SMAD3: variants seen among roughly 807,000 people sequenced by gnomAD.
SMAD3 encodes the protein SMAD family member 3.
Under a neutral mutation model 51.8 loss-of-function variants are expected in SMAD3, and 12 were observed. That is an observed-to-expected ratio of 0.23 (90% confidence interval 0.15 to 0.38). SMAD3 has a LOEUF of 0.38. Among genes scored for constraint, SMAD3 ranks in the 10% least tolerant of loss-of-function variants. SMAD3 has a pLI of 1.00. For synonymous variants in SMAD3, 238 were observed against 227.7 expected (o/e 1.05, Z -0.41); for missense variants, 294 against 565.6 (o/e 0.52, Z 4.87).
chr15:67,185,014 C>T lies in SMAD3; in HGVS notation c.1009+150C>T, dbSNP rs570193557. ...TGATTGGATTAGGTTTTCTCTATGC[C>T]CACAGATCTAACTGTGCTTTCCCTG... On this transcript the variant is annotated intron_variant, in intron 7 of 8. Coordinates refer to ENST00000327367, the MANE Select transcript of SMAD3 (RefSeq NM_005902.4). 124 of 1,039,244 alleles carry T rather than the reference C, an allele frequency of 1.2e-4. No homozygotes were observed. The African/African-American group carries it at 1.7e-3, about 14-fold the overall frequency. The allele number at this position is 1,039,244 out of a possible 1,614,324, so 64.4% of individuals were successfully genotyped here.
At chr15:67,084,917 G>T (rs918733084) in intron 1 of SMAD3, among the ~76,000 whole-genome samples, 1 of 152,198 alleles carries the variant, frequency 6.6e-6, no homozygotes, top group African/African-American at 2.4e-5. Flanking sequence ...AGAATCTACT[G>T]CTGGCTTCAG....
intron 1 of SMAD3, among the ~76,000 whole-genome samples, chr15:67,101,636 G>A (rs561313657): frequency 4.3e-4 from 66 of 152,270 alleles, no homozygotes; most frequent in African/African-American, 1.6e-3. Context: ...AAGGTTTGAG[G>A]ATCTTGGAAG....
At chr15:67,146,269 A>G (rs1192007602) in intron 1 of SMAD3, 12 of 152,276 alleles carry the variant, frequency 7.9e-5, no homozygotes, top group Admixed American at 6.5e-4. Context: ...AAAGGAAGTT[A>G]AGACAGAGAT....
intron 1 of SMAD3, among the ~76,000 whole-genome samples, chr15:67,128,971 T>C (rs1412200080): frequency 6.6e-5 from 10 of 152,138 alleles, no homozygotes; most frequent in Non-Finnish European, 1.5e-4. Context: ...ATGGATGTCA[T>C]TTGCGTTTTA....
chr15:67,168,925 C>T (rs1962668255), intron 4 of SMAD3, among the ~76,000 whole-genome samples: 3 of 152,138 alleles, frequency 2.0e-5, no homozygotes, highest in African/African-American at 2.4e-5. Flanking sequence ...CAGAGGGTCA[C>T]GTTGTTCCCC....
intron 1 of SMAD3, among the ~76,000 whole-genome samples, chr15:67,160,980 T>A (rs543274650): frequency 6.6e-6 from 1 of 152,000 alleles, no homozygotes; most frequent in East Asian, 1.9e-4. Context: ...ATTTTTTTTT[T>A]ATTATTATTA....
intron 1 of SMAD3, among the ~76,000 whole-genome samples, chr15:67,128,610 C>T (rs888659340): frequency 7.9e-5 from 12 of 151,958 alleles, no homozygotes; most frequent in Non-Finnish European, 1.2e-4. Context: ...CTTGCTTTGT[C>T]GCCCAGGCTG....
At chr15:67,154,321 G>A (rs1004261481) in intron 1 of SMAD3, among the ~76,000 whole-genome samples, 6 of 152,198 alleles carry the variant, frequency 3.9e-5, no homozygotes, top group African/African-American at 1.4e-4. Flanking sequence ...TGAAAATTGA[G>A]TTGTTCTTGG....
chr15:67,077,088 T>TTA (rs1960186067), intron 1 of SMAD3, among the ~76,000 whole-genome samples: 1 of 152,182 alleles, frequency 6.6e-6, no homozygotes, highest in South Asian at 2.1e-4. Context: ...AACCTGGACT[T>TTA]ATTAAAGTAT....
chr15:67,100,962 C>T (rs1960741366), intron 1 of SMAD3, among the ~76,000 whole-genome samples: 1 of 152,204 alleles, frequency 6.6e-6, no homozygotes, highest in African/African-American at 2.4e-5. Context: ...TGTTCTGGGT[C>T]ACTGAGGATC....
chr15:67,159,353 G>A (rs112694013), intron 1 of SMAD3, among the ~76,000 whole-genome samples: 1,758 of 152,270 alleles, frequency 0.012, 21 homozygotes, highest in Middle Eastern at 0.037. Context: ...TTACAAGTGT[G>A]AGCCACCACG....
intron 1 of SMAD3, among the ~76,000 whole-genome samples, chr15:67,134,691 G>T (rs537035761): frequency 6.6e-6 from 1 of 152,150 alleles, no homozygotes; most frequent in African/African-American, 2.4e-5. Flanking sequence ...TACTAAAGGC[G>T]CGACTCTGGC....
intron 4 of SMAD3, among the ~76,000 whole-genome samples, chr15:67,168,288 A>G (rs17228313): frequency 0.055 from 8,370 of 152,302 alleles, 309 homozygotes; most frequent in Admixed American, 0.096. Flanking sequence ...TCGCATGTAC[A>G]TTGTAGTTGC....
At position 67,066,202 on chromosome 15, in the gene SMAD3, G is replaced by A. The variant is rs886039210; in HGVS notation, c.48G>A (p.Leu16=). Reference sequence around the variant, plus strand: ...CTCCCCCGATCGTGAAGCGCCTGCTGGGCTGGAAGAAGGGCGAGCAGAACG... The same window carrying A: ...CTCCCCCGATCGTGAAGCGCCTGCTAGGCTGGAAGAAGGGCGAGCAGAACG... ...PFTPPIVKRL[L]GWKKGEQNGQ... The change falls in exon 1 of 9, where the codon CTG becomes CTA. Residue 16 remains leucine (L), a synonymous_variant. Transcript: ENST00000327367. 9.3e-6 allele frequency: 15 copies of A among 1,612,574 alleles called. No homozygotes were observed. Among genetic ancestry groups the A allele is most frequent in the Non-Finnish European group, 1.1e-5 (13 of 1,179,570 alleles).
intron 1 of SMAD3, among the ~76,000 whole-genome samples, chr15:67,150,847 C>CTTCTTTTTTT (rs1962118631): frequency 6.8e-5 from 1 of 14,668 alleles, no homozygotes; most frequent in Non-Finnish European, 1.1e-4. Context: ...ATTTCTCAGT[C>CTTCTTTTTTT]TTTTTTTTTT....
At chr15:67,079,553 A>T (rs181589445) in intron 1 of SMAD3, among the ~76,000 whole-genome samples, 6 of 152,168 alleles carry the variant, frequency 3.9e-5, no homozygotes, top group Non-Finnish European at 8.8e-5. Flanking sequence ...ACTGTTAGCA[A>T]ATCACCTAAG....
rs1319998869 is a variant in SMAD3 at position 67,068,681 on chromosome 15, T to C, written c.206+2321T>C. ...TTTCAGTTAGGGAAACCCAGTTGCT[T>C]GGGTGGATCCAGACAAAATGGATTT... On this transcript the variant is annotated intron_variant, in intron 1 of 8. Transcript: ENST00000327367. 2.0e-5 allele frequency among the ~76,000 whole-genome samples: 3 copies of C among 152,168 alleles called. No individual in the cohort carries two copies. The East Asian group carries it at 5.8e-4, about 29-fold the overall frequency.
chr15:67,086,691 C>A (rs1467105448), intron 1 of SMAD3, among the ~76,000 whole-genome samples: 2 of 152,082 alleles, frequency 1.3e-5, no homozygotes. Flanking sequence ...TCAAGGCACT[C>A]TTAGAAATGG....
At chr15:67,147,994 AG>A (rs1204932014) in intron 1 of SMAD3, among the ~76,000 whole-genome samples, 1 of 152,170 alleles carries the variant, frequency 6.6e-6, no homozygotes, top group African/African-American at 2.4e-5. Flanking sequence ...CATGTACAGT[AG>A]GGAAGAGGAA....
Sources: allele counts gnomAD v4.1 joint callset (sites outside exome capture counted in the v4.1 genomes callset), GRCh38; gene constraint gnomAD v4.1.1; transcripts MANE v1.5; gene names NCBI Gene and HGNC (gene_info 2026-07-23, HGNC 2026-07-21).